Variants in HGSNAT observed in about 807,000 individuals in gnomAD.
HGSNAT encodes transmembrane protein 76.
A neutral mutation model predicts 85.2 loss-of-function variants in HGSNAT; 59 were observed. The ratio of observed to expected loss-of-function variants is 0.69; its 90% CI spans 0.56 to 0.86. HGSNAT has a LOEUF of 0.86. Ranked by LOEUF, HGSNAT falls within the 40% of genes least tolerant of loss-of-function variation. HGSNAT has a pLI of 0.00. For synonymous variants in HGSNAT, 321 were observed against 304.5 expected (o/e 1.05, Z -0.56); for missense variants, 756 against 777.1 (o/e 0.97, Z 0.32).
At chr8:43,142,734 C>T (rs1586693556) in intron 1 of HGSNAT, among the ~76,000 whole-genome samples, 2 of 152,228 alleles carry the variant, frequency 1.3e-5, no homozygotes, top group Middle Eastern at 3.4e-3. Context: ...TTAGAGCTTC[C>T]TCAGGTAATT....
chr8:43,191,442 C>T (rs1804523331), intron 11 of HGSNAT, 32 bp from the exon 12 acceptor site: 2 of 1,604,240 alleles, frequency 1.2e-6, no homozygotes, highest in Non-Finnish European at 8.5e-7. Flanking sequence ...GCATTTAGTT[C>T]ACCCGTGTTT....
intron 11 of HGSNAT, 25 bp downstream of exon 11, chr8:43,182,285 A>G (rs1804154875): frequency 6.4e-7 from 1 of 1,567,716 alleles, no homozygotes; most frequent in African/African-American, 1.4e-5. Flanking sequence ...TTTAATTAAG[A>G]AAAACTTTTT....
intron 11 of HGSNAT, among the ~76,000 whole-genome samples, chr8:43,184,660 T>G (rs1387071906): frequency 6.6e-6 from 1 of 152,264 alleles, no homozygotes; most frequent in East Asian, 1.9e-4. Flanking sequence ...ATTTGTCAAT[T>G]CTGGCTTTTG....
At chr8:43,142,094 A>G (rs1056624050) in intron 1 of HGSNAT, among the ~76,000 whole-genome samples, 2 of 152,134 alleles carry the variant, frequency 1.3e-5, no homozygotes, top group African/African-American at 2.4e-5. Flanking sequence ...AAAGTAGACT[A>G]TGTCTTTAAA....
At chr8:43,153,962 G>T (rs866593811) in intron 2 of HGSNAT, among the ~76,000 whole-genome samples, 2 of 152,186 alleles carry the variant, frequency 1.3e-5, no homozygotes, top group Middle Eastern at 3.2e-3. Context: ...GGATAGTTAG[G>T]TTGATTCCAT....
At chr8:43,178,846 A>C (rs942571038) in intron 10 of HGSNAT, among the ~76,000 whole-genome samples, 1 of 146,938 alleles carries the variant, frequency 6.8e-6, no homozygotes, top group Non-Finnish European at 1.5e-5. Flanking sequence ...GCATCTGTTT[A>C]ACAAAGCACA....
In HGSNAT at chr8:43,182,263, G is replaced by A. The variant is rs1401358094; in HGVS notation, c.1128+3G>A. The A allele has an allele frequency of 6.8e-6, 11 of 1,607,094 alleles. No individual in the cohort carries two copies. The East Asian group carries it at 2.2e-4, about 33-fold the overall frequency. ...CTGTGCCTGAACATTGTGCCTCGGT[G>A]AGAAACCATGTTTTAATTAAGAAAA... On this transcript the variant is annotated splice_donor_region_variant and intron_variant, in intron 11 of 17. Transcript: ENST00000379644.
At chr8:43,192,162 A>G (rs1382580940) in intron 12 of HGSNAT, 142 bp from the exon 13 acceptor site, 3 of 833,016 alleles carry the variant, frequency 3.6e-6, no homozygotes, top group Non-Finnish European at 5.4e-6. Context: ...TCCTGACCTC[A>G]GGTGATCTGC....
chr8:43,189,567 G>A (rs1190005831), intron 11 of HGSNAT, among the ~76,000 whole-genome samples: 1 of 152,144 alleles, frequency 6.6e-6, no homozygotes, highest in Non-Finnish European at 1.5e-5. Flanking sequence ...GGAATTATCC[G>A]ACCTCTTGCA....
At chr8:43,187,717 G>A (rs1035532573) in intron 11 of HGSNAT, among the ~76,000 whole-genome samples, 4 of 152,184 alleles carry the variant, frequency 2.6e-5, no homozygotes, top group Non-Finnish European at 5.9e-5. Flanking sequence ...CACTTTAGTT[G>A]ATGCAGTTTC....
Position 43,178,125 on chromosome 8 carries a change from G to A in HGSNAT, c.903G>A (p.Leu301=). The stretch of plus-strand genomic sequence containing the variant: ...TTTTTCTATCGATGACTTCTATACT[G>A]CAACGGGGGTGTTCAAAATTCAGAT... The part of the protein sequence containing the change: ...SSIFLSMTSI[L]QRGCSKFRLL... Residue 301 remains leucine (L), a synonymous_variant, in exon 10 of 18, where the codon CTG becomes CTA. Transcript: ENST00000379644. The A allele has an allele frequency of 6.2e-7, 1 of 1,607,834 alleles. No homozygotes were observed.
chr8:43,164,374 C>CT lies in HGSNAT; in HGVS notation c.563+2879dup, dbSNP rs542014382. Among the ~76,000 whole-genome samples, 728 of 146,150 alleles carry CT rather than the reference C, an allele frequency of 5.0e-3. 6 individuals carry two copies. The highest frequency in any genetic ancestry group is 0.016 in the African/African-American group (650 of 40,108). ...CGTGGCAACCCTGCATCCAGCAATT[C>CT]TTTTTTTTTTTTGAGACGTGGTCTC... is the stretch of plus-strand genomic sequence containing the variant. On this transcript the variant is annotated intron_variant, in intron 5 of 17. Coordinates refer to ENST00000379644, the MANE Select transcript of HGSNAT (RefSeq NM_152419.3).
Position 43,172,306 on chromosome 8 carries a change from C to T in HGSNAT, c.744-4C>T. On this transcript the variant is annotated splice_region_variant and splice_polypyrimidine_tract_variant and intron_variant, in intron 7 of 17. Transcript: ENST00000379644. ...AAAGGCTTCTCTTTGTTGGCTTCTTCTAGGATTGCTCTTATACTCATGGTC... is the reference window on the plus strand; with the variant it reads ...AAAGGCTTCTCTTTGTTGGCTTCTTTTAGGATTGCTCTTATACTCATGGTC... The T allele has an allele frequency of 6.2e-7, 1 of 1,607,682 alleles. No homozygotes were observed. The highest frequency in any genetic ancestry group is 8.5e-7 in the Non-Finnish European group (1 of 1,174,146).
At chr8:43,146,873 C>A (rs559724046) in intron 1 of HGSNAT, 75 bp from the exon 2 acceptor site, 14 of 808,760 alleles carry the variant, frequency 1.7e-5, no homozygotes, top group Admixed American at 1.6e-4. Flanking sequence ...ACTGTTCACA[C>A]GAATGTACTT....
At chr8:43,140,851 A>G (rs542190194) in intron 1 of HGSNAT, among the ~76,000 whole-genome samples, 26 of 151,754 alleles carry the variant, frequency 1.7e-4, no homozygotes, top group Non-Finnish European at 3.4e-4. Context: ...ACCGCGGCGG[A>G]GTGGAACCTG....
intron 9 of HGSNAT, among the ~76,000 whole-genome samples, chr8:43,174,835 T>C (rs574238864): frequency 7.0e-4 from 106 of 152,354 alleles, no homozygotes; most frequent in African/African-American, 2.4e-3. Context: ...AGTCACCCTG[T>C]CATGCTATCA....
chr8:43,171,592 C>T (rs1356481795), intron 7 of HGSNAT, among the ~76,000 whole-genome samples: 1 of 152,152 alleles, frequency 6.6e-6, no homozygotes, highest in Non-Finnish European at 1.5e-5. Flanking sequence ...GTTACAGAGT[C>T]TCCCAAATTA....
chr8:43,149,494 C>G (rs1273038577), intron 2 of HGSNAT, among the ~76,000 whole-genome samples: 1 of 151,980 alleles, frequency 6.6e-6, no homozygotes, highest in Non-Finnish European at 1.5e-5. Flanking sequence ...GTCAGGAGAT[C>G]GAGACCATCC....
chr8:43,193,626 T>C, intron 13 of HGSNAT, 131 bp from the exon 14 acceptor site: 1 of 604,718 alleles, frequency 1.7e-6, no homozygotes, highest in South Asian at 2.5e-5. Flanking sequence ...AAGTTGGCAA[T>C]GAATTTCTGC....
Sources: allele counts gnomAD v4.1 joint callset (sites outside exome capture counted in the v4.1 genomes callset), GRCh38; gene constraint gnomAD v4.1.1; transcripts MANE v1.5; gene names NCBI Gene and HGNC (gene_info 2026-07-23, HGNC 2026-07-21).